Variants in UNC5C observed in about 807,000 individuals in gnomAD.
UNC5C encodes netrin receptor UNC5C.
A neutral mutation model predicts 99.8 loss-of-function variants in UNC5C; 47 were observed. That is an observed-to-expected ratio of 0.47 (90% CI 0.37 to 0.60). The LOEUF is 0.60. Ranked by LOEUF, UNC5C falls within the 20% of genes least tolerant of loss-of-function variation. The pLI, the probability that UNC5C is intolerant of heterozygous loss-of-function variation, is 0.00. For synonymous variants in UNC5C, 487 were observed against 452.2 expected (o/e 1.08, Z -0.98); for missense variants, 1,062 against 1,165.9 (o/e 0.91, Z 1.30).
chr4:95,458,057 T>C (rs1037053108), intron 1 of UNC5C, among the ~76,000 whole-genome samples: 1 of 152,132 alleles, frequency 6.6e-6, no homozygotes, highest in African/African-American at 2.4e-5. Flanking sequence ...TCAGTTTGTG[T>C]AGTGTGTGTG....
intron 2 of UNC5C, among the ~76,000 whole-genome samples, chr4:95,326,239 T>A (rs756823002): frequency 6.7e-6 from 1 of 149,294 alleles, no homozygotes; most frequent in East Asian, 1.9e-4. Context: ...GTTGACCTTA[T>A]TGATATTTTC....
intron 4 of UNC5C, among the ~76,000 whole-genome samples, chr4:95,272,914 A>G (rs543995803): frequency 1.3e-5 from 2 of 152,358 alleles, no homozygotes; most frequent in South Asian, 4.1e-4. Context: ...AAGAATGGCA[A>G]GGAAACGTGA....
intron 1 of UNC5C, among the ~76,000 whole-genome samples, chr4:95,354,479 A>ATATATT: frequency 9.1e-6 from 1 of 110,352 alleles, no homozygotes; most frequent in Non-Finnish European, 1.8e-5. Context: ...ATATATATAT[A>ATATATT]TTTTTTTTTT....
chr4:95,228,772 T>G (rs1180503092), intron 7 of UNC5C, among the ~76,000 whole-genome samples: 2 of 152,246 alleles, frequency 1.3e-5, no homozygotes, highest in African/African-American at 4.8e-5. Flanking sequence ...TGATTTGGAC[T>G]GTAAAATATC....
intron 1 of UNC5C, among the ~76,000 whole-genome samples, chr4:95,400,197 T>C (rs1416283717): frequency 1.3e-5 from 2 of 152,096 alleles, no homozygotes; most frequent in Non-Finnish European, 2.9e-5. Flanking sequence ...TAACAGAATC[T>C]GGCAAAGGTG....
chr4:95,268,619 CT>C (rs1336730564), intron 4 of UNC5C, among the ~76,000 whole-genome samples: 16 of 152,208 alleles, frequency 1.1e-4, no homozygotes, highest in Admixed American at 6.5e-5. Flanking sequence ...TTATACTCTC[CT>C]GTGAAAGACA....
intron 14 of UNC5C, among the ~76,000 whole-genome samples, chr4:95,177,248 C>T (rs568771866): frequency 5.0e-4 from 76 of 152,278 alleles, no homozygotes; most frequent in African/African-American, 1.4e-3. Context: ...TGTTCCTATT[C>T]GGCTGTCTCT....
At chr4:95,426,798 T>C (rs1746500614) in intron 1 of UNC5C, among the ~76,000 whole-genome samples, 2 of 152,202 alleles carry the variant, frequency 1.3e-5, no homozygotes, top group African/African-American at 4.8e-5. Context: ...CTGAGAGAAC[T>C]GAGGAAGCTA....
At chr4:95,313,313 A>G (rs1227586195) in intron 2 of UNC5C, among the ~76,000 whole-genome samples, 3 of 152,182 alleles carry the variant, frequency 2.0e-5, no homozygotes, top group Non-Finnish European at 4.4e-5. Flanking sequence ...TGAAAATTGT[A>G]AATTGGTAAA....
chr4:95,494,608 A>G lies in UNC5C; in HGVS notation c.124+54126T>C, dbSNP rs139217372. On this transcript the variant is annotated intron_variant, in intron 1 of 15. Transcript: ENST00000453304. ...ACAATTCTTAAAATTGGAGAAGTAAAGTTCACATAAGAAAAAGCAAATCTG... is the reference window on the plus strand; with the variant it reads ...ACAATTCTTAAAATTGGAGAAGTAAGGTTCACATAAGAAAAAGCAAATCTG... Among the ~76,000 whole-genome samples the G allele has an allele frequency of 5.1e-4, 78 of 151,632 alleles. 2 individuals carry two copies. The East Asian group carries it at 0.013, about 26-fold the overall frequency.
chr4:95,320,440 AAAAG>A (rs1455438517), intron 2 of UNC5C, among the ~76,000 whole-genome samples: 62 of 36,962 alleles, frequency 1.7e-3, no homozygotes, highest in Non-Finnish European at 1.5e-3. Flanking sequence ...AAAAAAAAAG[AAAAG>A]AAAAGAAAAG....
intron 1 of UNC5C, among the ~76,000 whole-genome samples, chr4:95,399,020 T>G (rs925336238): frequency 2.0e-5 from 3 of 152,166 alleles, no homozygotes; most frequent in Non-Finnish European, 4.4e-5. Context: ...TCTCTTTAAT[T>G]CTCTACTGAA....
At chr4:95,305,296 G>T (rs1227568460) in intron 2 of UNC5C, among the ~76,000 whole-genome samples, 2 of 152,116 alleles carry the variant, frequency 1.3e-5, no homozygotes, top group African/African-American at 4.8e-5. Context: ...GAGCTACTTG[G>T]TTACATGCCA....
intron 3 of UNC5C, 68 bp from the exon 4 acceptor site, chr4:95,278,430 A>C (rs534883459): frequency 7.5e-7 from 1 of 1,340,142 alleles, no homozygotes; most frequent in African/African-American, 1.4e-5. Flanking sequence ...AGAGAGTACA[A>C]AAAATTTTCT....
intron 2 of UNC5C, among the ~76,000 whole-genome samples, chr4:95,322,715 G>C (rs1742734601): frequency 6.6e-6 from 1 of 151,972 alleles, no homozygotes; most frequent in African/African-American, 2.4e-5. Flanking sequence ...GAGGCAGGTG[G>C]ATCACCTGAG....
At chr4:95,179,498 G>A (rs1736516847) in intron 14 of UNC5C, among the ~76,000 whole-genome samples, 1 of 152,152 alleles carries the variant, frequency 6.6e-6, no homozygotes, top group Admixed American at 6.5e-5. Context: ...TATAATCCCA[G>A]CACTTTGGGA....
intron 12 of UNC5C, among the ~76,000 whole-genome samples, chr4:95,192,387 A>C (rs1486967818): frequency 1.8e-4 from 8 of 44,648 alleles, no homozygotes; most frequent in Admixed American, 3.2e-4. Context: ...TCTCCTGCTC[A>C]CCTCTTCTGC....
chr4:95,334,345 C>T (rs1482455786), intron 2 of UNC5C, among the ~76,000 whole-genome samples: 1 of 151,692 alleles, frequency 6.6e-6, no homozygotes, highest in African/African-American at 2.4e-5. Context: ...ACATGTGTAT[C>T]CATTTTGGTT....
At chr4:95,431,145 C>T (rs911084795) in intron 1 of UNC5C, among the ~76,000 whole-genome samples, 3 of 152,062 alleles carry the variant, frequency 2.0e-5, no homozygotes, top group African/African-American at 7.2e-5. Context: ...AACTCCCATG[C>T]GACCTTCAGC....
Sources: allele counts gnomAD v4.1 joint callset (sites outside exome capture counted in the v4.1 genomes callset), GRCh38; gene constraint gnomAD v4.1.1; transcripts MANE v1.5; gene names NCBI Gene and HGNC (gene_info 2026-07-23, HGNC 2026-07-21).